Variants in SGCD observed in about 807,000 individuals in gnomAD.
SGCD encodes the protein sarcoglycan delta, also known as delta-sarcoglycan.
A neutral mutation model predicts 36.6 loss-of-function variants in SGCD; 18 were observed. The observed-to-expected ratio is 0.49, with a 90% CI of 0.34 to 0.73. SGCD has a LOEUF of 0.73. Among genes scored for constraint, SGCD ranks in the 30% least tolerant of loss-of-function variants. SGCD has a pLI of 0.01. For synonymous variants in SGCD, 133 were observed against 130.6 expected, an observed-to-expected ratio of 1.02 and a Z score of -0.12; for missense variants, 387 against 346.7, an observed-to-expected ratio of 1.12 and a Z score of -0.92.
chr5:155,858,941 G>GT, the SGCD span, among the ~76,000 whole-genome samples: 3 of 37,236 alleles, frequency 8.1e-5, no homozygotes, highest in Admixed American at 3.4e-4. Context: ...AGGCAATGCA[G>GT]GTTTTTTTTT....
intron 3 of SGCD, among the ~76,000 whole-genome samples, chr5:156,380,238 C>G (rs936584768): frequency 1.3e-5 from 2 of 152,076 alleles, no homozygotes; most frequent in African/African-American, 4.8e-5. Context: ...GCTGCAGTAA[C>G]AAAGAAACAA....
At chr5:156,535,181 A>T (rs547705251) in intron 4 of SGCD, among the ~76,000 whole-genome samples, 6 of 152,286 alleles carry the variant, frequency 3.9e-5, no homozygotes, top group Admixed American at 2.0e-4. Context: ...AGAATATCAC[A>T]CACCAATGTT....
In SGCD at chr5:156,070,336, A is replaced by G. The variant is rs533112733; in HGVS notation, c.-281-47542A>G. ...GCCGAATTTATTGAGAGTTTTTAGC[A>G]TGAAGCGTTGTTGAATTTTGTCAAA... On this transcript the variant is annotated intron_variant, in intron 1 of 9. Transcript: ENST00000517913. Among the ~76,000 whole-genome samples, 1,134 of 152,100 alleles carry G rather than the reference A, an allele frequency of 7.5e-3. 8 individuals carry two copies. Among genetic ancestry groups the G allele is most frequent in the African/African-American group, 0.026 (1,083 of 41,362 alleles).
At chr5:156,737,054 A>G (rs1756409264) in intron 7 of SGCD, among the ~76,000 whole-genome samples, 1 of 152,248 alleles carries the variant, frequency 6.6e-6, no homozygotes, top group Non-Finnish European at 1.5e-5. Flanking sequence ...GCTGGACCAA[A>G]GATAGAAGTT....
chr5:156,142,737 A>G (rs1762609368), intron 3 of SGCD, among the ~76,000 whole-genome samples: 1 of 152,224 alleles, frequency 6.6e-6, no homozygotes, highest in South Asian at 2.1e-4. Context: ...TCTAAGCAGC[A>G]AAACATTCAA....
the SGCD span, among the ~76,000 whole-genome samples, chr5:155,790,697 A>C: frequency 1.3e-5 from 2 of 152,122 alleles, no homozygotes; most frequent in African/African-American, 4.8e-5. Context: ...AGGTCTATGC[A>C]TCAAGATTTA....
the SGCD span, among the ~76,000 whole-genome samples, chr5:155,729,229 T>C: frequency 1.3e-5 from 2 of 152,222 alleles, no homozygotes; most frequent in Admixed American, 6.5e-5. Flanking sequence ...AGCAGATCGC[T>C]GACTTCCTCA....
chr5:156,331,962 T>G (rs1160024560), intron 2 of SGCD, among the ~76,000 whole-genome samples: 1 of 152,190 alleles, frequency 6.6e-6, no homozygotes, highest in African/African-American at 2.4e-5. Context: ...GCCCTTTCGC[T>G]CTTTCTTTAT....
chr5:156,622,435 A>AATAATAATAAT (rs1762285008), intron 6 of SGCD, among the ~76,000 whole-genome samples: 1 of 137,086 alleles, frequency 7.3e-6, no homozygotes, highest in Non-Finnish European at 1.5e-5. Context: ...TCTGTCTAAA[A>AATAATAATAAT]AATAATAATA....
At chr5:156,392,773 G>T (rs1300428455) in intron 3 of SGCD, among the ~76,000 whole-genome samples, 2 of 152,164 alleles carry the variant, frequency 1.3e-5, no homozygotes, top group African/African-American at 4.8e-5. Flanking sequence ...CCCCTTGGTG[G>T]CCTGTGCTCT....
the SGCD span, among the ~76,000 whole-genome samples, chr5:155,826,808 A>G: frequency 3.7e-4 from 57 of 152,326 alleles, no homozygotes; most frequent in South Asian, 0.012. Context: ...TTCAGAAGGC[A>G]CTCAAGAATC....
At chr5:156,715,725 A>G in intron 7 of SGCD, among the ~76,000 whole-genome samples, 1 of 152,214 alleles carries the variant, frequency 6.6e-6, no homozygotes, top group Admixed American at 6.5e-5. Context: ...AATTTCCACA[A>G]CTGTGAAGTA....
At chr5:155,872,931 G>T (rs1755684861) in intron 1 of SGCD, among the ~76,000 whole-genome samples, 1 of 152,190 alleles carries the variant, frequency 6.6e-6, no homozygotes, top group Non-Finnish European at 1.5e-5. Flanking sequence ...AAAATGTTGT[G>T]TAAAGGGCTA....
chr5:156,762,496 T>C lies in SGCD; in HGVS notation c.*3106T>C, dbSNP rs988568728. 1 of 152,660 alleles carries C rather than the reference T, an allele frequency of 6.6e-6. No homozygotes were observed. Among genetic ancestry groups the C allele is most frequent in the Non-Finnish European group, 1.5e-5 (1 of 68,046 alleles). The allele number at this position is 152,660 out of a possible 1,614,324, so 9.5% of individuals were successfully genotyped here. On this transcript the variant is annotated 3_prime_UTR_variant, in exon 9 of 9. Transcript: ENST00000337851. ...TTGTTATGTTACCCAAGGGATAAAC[T>C]TGAACTGGCTTTGAACATCCTTTAG... is the stretch of plus-strand genomic sequence containing the variant.
At chr5:156,131,013 G>A (rs1285083920) in intron 3 of SGCD, among the ~76,000 whole-genome samples, 4 of 152,218 alleles carry the variant, frequency 2.6e-5, no homozygotes, top group Non-Finnish European at 5.9e-5. Flanking sequence ...ACAGGCATGA[G>A]CCACCACGCC....
At chr5:156,536,904 T>C (rs576418440) in intron 4 of SGCD, among the ~76,000 whole-genome samples, 91 of 152,308 alleles carry the variant, frequency 6.0e-4, no homozygotes, top group Non-Finnish European at 1.1e-3. Flanking sequence ...CATCTTCTGA[T>C]GTGCGAGCTG....
intron 3 of SGCD, among the ~76,000 whole-genome samples, chr5:156,164,907 C>T (rs972631078): frequency 6.6e-6 from 1 of 152,164 alleles, no homozygotes; most frequent in Admixed American, 6.5e-5. Context: ...GGAAAGATTG[C>T]AGTGACTGAA....
chr5:155,763,152 C>T, the SGCD span, among the ~76,000 whole-genome samples: 2 of 151,972 alleles, frequency 1.3e-5, no homozygotes, highest in African/African-American at 2.4e-5. Flanking sequence ...TGTAACTTGC[C>T]CCAGTTTTTG....
chr5:155,875,495 C>T (rs976479178), intron 1 of SGCD, among the ~76,000 whole-genome samples: 1 of 152,124 alleles, frequency 6.6e-6, no homozygotes, highest in Non-Finnish European at 1.5e-5. Flanking sequence ...ACATCAAACT[C>T]AGCAACCTGG....
Sources: gnomAD v4.1 joint callset for allele counts (sites outside exome capture counted in the v4.1 genomes callset) on GRCh38, gnomAD v4.1.1 for gene constraint, MANE v1.5 for transcripts, NCBI Gene and HGNC (gene_info 2026-07-23, HGNC 2026-07-21) for gene names.